Variants in MAST4 observed in about 807,000 individuals in gnomAD.
MAST4 encodes the protein microtubule associated serine/threonine kinase family member 4, also known as microtubule-associated serine/threonine-protein kinase 4.
A neutral mutation model predicts 162.7 loss-of-function variants in MAST4; 89 were observed. That is an observed-to-expected ratio of 0.55 (90% confidence interval 0.46 to 0.65). MAST4 has a LOEUF of 0.65. Ranked by LOEUF, MAST4 falls within the 30% of genes least tolerant of loss-of-function variation. The probability of loss-of-function intolerance (pLI) is 0.00; values close to 1 mark genes in which losing one functional copy is unlikely to be tolerated. For synonymous variants in MAST4, 1,479 were observed against 1,361.1 expected (o/e 1.09, Z -1.91); for missense variants, 3,153 against 3,374.0 (o/e 0.93, Z 1.62).
rs182469170 is a variant in MAST4, at chr5:66,671,878, C to T, written c.363+74860C>T. ...TCATTATCCTAGATTGTGGTGAGCC[C>T]GACCAACTTTAGAAGATCATTAAAA... On this transcript the variant is annotated intron_variant, in intron 1 of 28. Transcript: ENST00000403625. Among the ~76,000 whole-genome samples the T allele has an allele frequency of 2.1e-3, 322 of 152,064 alleles. 1 individual carries two copies. Among genetic ancestry groups the T allele is most frequent in the African/African-American group, 1.5e-3 (62 of 41,490 alleles).
At chr5:66,694,374 G>A (rs1749256066) in intron 1 of MAST4, among the ~76,000 whole-genome samples, 1 of 152,154 alleles carries the variant, frequency 6.6e-6, no homozygotes, top group South Asian at 2.1e-4. Context: ...TTGGAAGTAG[G>A]GAAGGTATTC....
chr5:66,599,712 G>T (rs1322556192), intron 1 of MAST4, among the ~76,000 whole-genome samples: 1 of 152,132 alleles, frequency 6.6e-6, no homozygotes, highest in Non-Finnish European at 1.5e-5. Context: ...TGTCTACTTA[G>T]CTTATACTCA....
At chr5:67,125,980 G>C (rs528611855) in intron 14 of MAST4, among the ~76,000 whole-genome samples, 30 of 152,020 alleles carry the variant, frequency 2.0e-4, no homozygotes, top group Admixed American at 1.8e-3. Flanking sequence ...TTGTGCTTTT[G>C]ATTTGCATGT....
chr5:66,782,698 A>G (rs930422635), intron 2 of MAST4, among the ~76,000 whole-genome samples: 4 of 152,224 alleles, frequency 2.6e-5, no homozygotes, highest in Non-Finnish European at 5.9e-5. Flanking sequence ...TCCAGTTTCA[A>G]TTGTAACAAC....
At chr5:66,927,121 T>G (rs1764961626) in intron 4 of MAST4, among the ~76,000 whole-genome samples, 1 of 152,258 alleles carries the variant, frequency 6.6e-6, no homozygotes, top group Non-Finnish European at 1.5e-5. Flanking sequence ...TTTGGCTTTC[T>G]TCTCCAGCTT....
At chr5:66,788,626 C>T (rs761609464) in intron 2 of MAST4, 44 bp from the exon 3 acceptor site, 16 of 592,728 alleles carry the variant, frequency 2.7e-5, no homozygotes, top group South Asian at 1.8e-4. Flanking sequence ...AAGACTACTA[C>T]CGGCTGCCTG....
At chr5:66,837,892 ATATTTTTTTTTTT>A (rs1298167277) in intron 3 of MAST4, among the ~76,000 whole-genome samples, 17 of 35,020 alleles carry the variant, frequency 4.9e-4, no homozygotes, top group African/African-American at 1.8e-3. Flanking sequence ...ATATATATAT[ATATTTTTTTTTTT>A]TTTTTTTTTT....
At chr5:66,872,067 A>G (rs1278198762) in intron 3 of MAST4, among the ~76,000 whole-genome samples, 1 of 152,228 alleles carries the variant, frequency 6.6e-6, no homozygotes, top group Non-Finnish European at 1.5e-5. Flanking sequence ...ACTAAGACAC[A>G]GATACCTCTG....
intron 5 of MAST4, among the ~76,000 whole-genome samples, chr5:67,061,961 T>C (rs1759664199): frequency 6.6e-6 from 1 of 152,222 alleles, no homozygotes; most frequent in South Asian, 2.1e-4. Flanking sequence ...ACACACACCT[T>C]TCTGCTCAGG....
chr5:67,083,274 C>A (rs78230146), intron 5 of MAST4, among the ~76,000 whole-genome samples: 4,549 of 152,246 alleles, frequency 0.03, 158 homozygotes, highest in East Asian at 0.17. Flanking sequence ...AAGGAAAACA[C>A]CTTTGCACAT....
intron 1 of MAST4, among the ~76,000 whole-genome samples, chr5:66,648,068 G>C (rs1489291825): frequency 7.5e-6 from 1 of 133,044 alleles, no homozygotes; most frequent in Non-Finnish European, 1.6e-5. Context: ...GTGTGTGTGT[G>C]TGTGTGTGTG....
At chr5:67,077,353 G>A (rs1427220819) in intron 5 of MAST4, among the ~76,000 whole-genome samples, 4 of 152,080 alleles carry the variant, frequency 2.6e-5, no homozygotes, top group African/African-American at 9.7e-5. Flanking sequence ...GGTTTTTTAA[G>A]TTCCCTAGGC....
At chr5:66,686,381 A>G (rs563671834) in intron 1 of MAST4, among the ~76,000 whole-genome samples, 7 of 152,296 alleles carry the variant, frequency 4.6e-5, no homozygotes, top group African/African-American at 1.7e-4. Context: ...AGTAGATGAA[A>G]AGTTTACAGA....
At chr5:66,813,578 C>T (rs908476923) in intron 3 of MAST4, among the ~76,000 whole-genome samples, 2 of 152,196 alleles carry the variant, frequency 1.3e-5, no homozygotes, top group African/African-American at 2.4e-5. Context: ...GGTGCAGCTT[C>T]TGAACAGAAT....
At chr5:67,160,965 A>G (rs1773117434) in intron 27 of MAST4, among the ~76,000 whole-genome samples, 1 of 152,264 alleles carries the variant, frequency 6.6e-6, no homozygotes, top group African/African-American at 2.4e-5. Flanking sequence ...TCAAAAAACA[A>G]ACAGTTGCTA....
rs186488215 is a variant in MAST4 at position 67,133,497 on chromosome 5, G to A, written c.2094-17G>A. On this transcript the variant is annotated splice_polypyrimidine_tract_variant and intron_variant, in intron 16 of 28. Coordinates refer to ENST00000403625, the MANE Select transcript of MAST4 (RefSeq NM_001164664.2). ...TTATAAAGTGATTATTGTGTTACAT[G>A]TCCGTCTGCCTCATAGCTTGTTGGT... is the stretch of plus-strand genomic sequence containing the variant. 1 of 1,611,836 alleles carries A rather than the reference G, an allele frequency of 6.2e-7. No homozygotes were observed. Among genetic ancestry groups the A allele is most frequent in the Non-Finnish European group, 8.5e-7 (1 of 1,178,448 alleles).
Position 67,158,273 on chromosome 5 carries a change from G to A in MAST4, c.3649-2183G>A, listed in dbSNP as rs73102007. On this transcript the variant is annotated intron_variant, in intron 26 of 28. Transcript: ENST00000403625. ...TAAAGGTTTATTTTTAATGTTTTGGGGCTTGCATGAAGAATGTTTATTATT... is the reference window on the plus strand; with the variant it reads ...TAAAGGTTTATTTTTAATGTTTTGGAGCTTGCATGAAGAATGTTTATTATT... Among the ~76,000 whole-genome samples, 470 of 152,122 alleles carry A rather than the reference G, an allele frequency of 3.1e-3. 1 individual carries two copies. The highest frequency in any genetic ancestry group is 0.011 in the African/African-American group (444 of 41,478).
At chr5:66,895,645 T>C (rs79190225) in intron 3 of MAST4, among the ~76,000 whole-genome samples, 6,030 of 152,272 alleles carry the variant, frequency 0.04, 189 homozygotes, top group East Asian at 0.12. Flanking sequence ...TGACTACTCC[T>C]TACCATCTTC....
intron 4 of MAST4, chr5:66,963,865 T>A: frequency 1.3e-6 from 1 of 774,592 alleles, no homozygotes; most frequent in Admixed American, 1.7e-5. Context: ...ATTTGATTAC[T>A]TCAGACTCTG....
Sources: gnomAD v4.1 joint callset for allele counts (sites outside exome capture counted in the v4.1 genomes callset) on GRCh38, gnomAD v4.1.1 for gene constraint, MANE v1.5 for transcripts, NCBI Gene and HGNC (gene_info 2026-07-23, HGNC 2026-07-21) for gene names.